Variants in NELL1 observed in about 807,000 individuals in gnomAD.
The protein encoded by NELL1 is protein kinase C-binding protein NELL1.
A neutral mutation model predicts 107.4 loss-of-function variants in NELL1; 76 were observed. That is an observed-to-expected ratio of 0.71 (90% CI 0.59 to 0.86). The LOEUF is 0.86. Ranked by LOEUF, NELL1 falls within the 40% of genes least tolerant of loss-of-function variation. The pLI, the probability that NELL1 is intolerant of heterozygous loss-of-function variation, is 0.00. For missense variants in NELL1, 1,024 were observed against 1,005.5 expected (o/e 1.02, Z -0.25); for synonymous variants, 353 against 341.2 (o/e 1.03, Z -0.38).
At chr11:21,444,245 A>C (rs1319755697) in intron 15 of NELL1, among the ~76,000 whole-genome samples, 2 of 152,190 alleles carry the variant, frequency 1.3e-5, no homozygotes, top group Non-Finnish European at 2.9e-5. Flanking sequence ...CAGAAGGATA[A>C]TTGGGCTGAT....
At chr11:21,164,513 T>A (rs1431134108) in intron 13 of NELL1, among the ~76,000 whole-genome samples, 2 of 152,188 alleles carry the variant, frequency 1.3e-5, no homozygotes, top group African/African-American at 4.8e-5. Context: ...AAAGTGACAT[T>A]TATTGGCTAA....
intron 12 of NELL1, among the ~76,000 whole-genome samples, chr11:21,057,043 T>G (rs80104115): frequency 0.024 from 3,677 of 152,140 alleles, 95 homozygotes; most frequent in South Asian, 0.14. Flanking sequence ...GTTTTAAAGT[T>G]TGAAGGCTTG....
intron 13 of NELL1, among the ~76,000 whole-genome samples, chr11:21,209,996 T>A: frequency 6.6e-6 from 1 of 152,198 alleles, no homozygotes; most frequent in Non-Finnish European, 1.5e-5. Context: ...TATATCTTTT[T>A]TGACTGGTTT....
intron 14 of NELL1, among the ~76,000 whole-genome samples, chr11:21,354,209 A>C (rs923633520): frequency 2.0e-5 from 3 of 152,170 alleles, no homozygotes; most frequent in Non-Finnish European, 4.4e-5. Context: ...TGAAAGACCA[A>C]GTCTCTGCAT....
At chr11:20,853,729 T>C (rs1231753479) in intron 4 of NELL1, among the ~76,000 whole-genome samples, 1 of 152,234 alleles carries the variant, frequency 6.6e-6, no homozygotes, top group Non-Finnish European at 1.5e-5. Context: ...GGACATAATG[T>C]GTAATGTAGA....
chr11:21,003,049 G>A (rs7109144), intron 12 of NELL1, among the ~76,000 whole-genome samples: 4 of 151,942 alleles, frequency 2.6e-5, no homozygotes, highest in Admixed American at 2.6e-4. Flanking sequence ...TTAAATGTGC[G>A]ATCTCTTCTC....
intron 4 of NELL1, among the ~76,000 whole-genome samples, chr11:20,874,693 G>A (rs1158340916): frequency 6.6e-6 from 1 of 152,112 alleles, no homozygotes. Context: ...TCAGAGACTG[G>A]AAGTTCACTG....
At chr11:21,568,182 A>T (rs1207496214) in intron 17 of NELL1, among the ~76,000 whole-genome samples, 1 of 151,900 alleles carries the variant, frequency 6.6e-6, no homozygotes, top group Non-Finnish European at 1.5e-5. Context: ...GGACAGCATG[A>T]TACTATATTT....
intron 5 of NELL1, among the ~76,000 whole-genome samples, chr11:20,905,716 A>G (rs966776750): frequency 6.6e-6 from 1 of 152,196 alleles, no homozygotes; most frequent in African/African-American, 2.4e-5. Flanking sequence ...AGATAAGATC[A>G]TTGAAATTAA....
At chr11:21,419,134 T>G (rs1852594559) in intron 15 of NELL1, among the ~76,000 whole-genome samples, 1 of 152,124 alleles carries the variant, frequency 6.6e-6, no homozygotes. Flanking sequence ...TTACTTACAC[T>G]GCTCTGTAAT....
chr11:21,136,771 G>A (rs190596965), intron 13 of NELL1, among the ~76,000 whole-genome samples: 18 of 152,240 alleles, frequency 1.2e-4, no homozygotes, highest in African/African-American at 4.1e-4. Context: ...CATCATTTGG[G>A]TTGGTGTCCA....
chr11:21,479,624 T>G (rs1231678273), intron 15 of NELL1, among the ~76,000 whole-genome samples: 1 of 152,076 alleles, frequency 6.6e-6, no homozygotes, highest in Admixed American at 6.6e-5. Flanking sequence ...TTTGATAGCA[T>G]AAAAGGGTGA....
chr11:20,671,588 T>TCCA (rs1853911376), intron 1 of NELL1, among the ~76,000 whole-genome samples: 1 of 152,186 alleles, frequency 6.6e-6, no homozygotes, highest in Non-Finnish European at 1.5e-5. Flanking sequence ...CCCCTTTAAA[T>TCCA]CTTGTAAAAA....
chr11:20,695,109 T>C (rs1005374418), intron 2 of NELL1, among the ~76,000 whole-genome samples: 1 of 152,114 alleles, frequency 6.6e-6, no homozygotes, highest in African/African-American at 2.4e-5. Flanking sequence ...GTTACTGTTA[T>C]ATAAAAATGT....
intron 16 of NELL1, among the ~76,000 whole-genome samples, chr11:21,550,816 C>T (rs190614864): frequency 0.12 from 18,622 of 151,608 alleles, 1,148 homozygotes; most frequent in Middle Eastern, 0.18. Flanking sequence ...ATTGTCTTGG[C>T]AATGCAGGCT....
Position 21,101,110 on chromosome 11 carries a change from T to G in NELL1, c.1301-12479T>G, listed in dbSNP as rs192649630. Among the ~76,000 whole-genome samples, 1,047 of 152,182 alleles carry G rather than the reference T, an allele frequency of 6.9e-3. 10 individuals carry two copies. The highest frequency in any genetic ancestry group is 0.024 in the African/African-American group (1,004 of 41,510). ...CGGTGTTTGGATTTTGTCCTTGTGA[T>G]AGTTTGCTGAGAATGATGGTTTCCA... On this transcript the variant is annotated intron_variant, in intron 12 of 19. Coordinates refer to ENST00000357134, the MANE Select transcript of NELL1 (RefSeq NM_006157.5).
In NELL1 at chr11:20,920,884, C is replaced by CAA. The variant is rs542317972; in HGVS notation, c.759+1552_759+1553dup. ...TTTAATTGTGGGCAGTTGCAAACAG[C>CAA]AAATTTTTTAATCCATCTTCTAAAC... On this transcript the variant is annotated intron_variant, in intron 7 of 19. Coordinates refer to ENST00000357134, the MANE Select transcript of NELL1 (RefSeq NM_006157.5). Among the ~76,000 whole-genome samples, 4 of 149,692 alleles carry CAA rather than the reference C, an allele frequency of 2.7e-5. No homozygotes were observed. In the South Asian group the frequency reaches 8.3e-4, roughly 31 times the overall value.
chr11:20,703,367 T>A (rs796925966), intron 2 of NELL1, among the ~76,000 whole-genome samples: 1 of 152,182 alleles, frequency 6.6e-6, no homozygotes, highest in Non-Finnish European at 1.5e-5. Context: ...CATTTTTTAT[T>A]GCGTCTATTT....
chr11:21,513,925 C>A (rs953214698), intron 15 of NELL1, among the ~76,000 whole-genome samples: 2 of 152,154 alleles, frequency 1.3e-5, no homozygotes, highest in African/African-American at 4.8e-5. Flanking sequence ...ATGAGACACC[C>A]ACCCCTGCCT....
Sources: allele counts gnomAD v4.1 joint callset (sites outside exome capture counted in the v4.1 genomes callset), GRCh38; gene constraint gnomAD v4.1.1; transcripts MANE v1.5; gene names NCBI Gene and HGNC (gene_info 2026-07-23, HGNC 2026-07-21).